The following HEMK2 variants were observed in gnomAD, a reference collection of about 807,000 sequenced individuals.
The protein encoded by HEMK2 is HemK methyltransferase 2, ETF1 glutamine and histone H4 lysine, also known as methyltransferase HEMK2.
the HEMK2 span, among the ~76,000 whole-genome samples, chr21:28,660,591 C>T: frequency 2.0e-5 from 3 of 151,570 alleles, no homozygotes; most frequent in Admixed American, 6.6e-5. Flanking sequence ...AAACTAATCT[C>T]GCATTCCTAG....
the HEMK2 span, among the ~76,000 whole-genome samples, chr21:28,600,379 A>G: frequency 2.0e-5 from 3 of 152,244 alleles, no homozygotes; most frequent in Non-Finnish European, 4.4e-5. Flanking sequence ...TGCACCCTCT[A>G]AAGTCACAGC....
the HEMK2 span, among the ~76,000 whole-genome samples, chr21:28,737,607 G>A: frequency 6.6e-6 from 1 of 151,802 alleles, no homozygotes; most frequent in East Asian, 1.9e-4. Flanking sequence ...AAAAAAAGAA[G>A]AAGAAAAGAT....
At chr21:28,588,065 A>G in the HEMK2 span, among the ~76,000 whole-genome samples, 1 of 152,246 alleles carries the variant, frequency 6.6e-6, no homozygotes, top group African/African-American at 2.4e-5. Flanking sequence ...TGAAACTAAT[A>G]TAAGCTCTTG....
the HEMK2 span, among the ~76,000 whole-genome samples, chr21:28,697,564 C>T: frequency 1.3e-5 from 2 of 152,246 alleles, no homozygotes; most frequent in East Asian, 3.9e-4. Context: ...CCAGTTCCAG[C>T]GTGTCTTCAG....
At chr21:28,839,258 C>G in the HEMK2 span, among the ~76,000 whole-genome samples, 1 of 151,876 alleles carries the variant, frequency 6.6e-6, no homozygotes, top group Non-Finnish European at 1.5e-5. Context: ...AACTCACAGC[C>G]AACTTAATAC....
At chr21:28,798,804 G>A in the HEMK2 span, among the ~76,000 whole-genome samples, 9 of 152,132 alleles carry the variant, frequency 5.9e-5, no homozygotes, top group Admixed American at 2.6e-4. Context: ...GTGTGTTAAC[G>A]ACACAAATCT....
the HEMK2 span, among the ~76,000 whole-genome samples, chr21:28,728,563 G>T: frequency 6.6e-6 from 1 of 152,176 alleles, no homozygotes; most frequent in Non-Finnish European, 1.5e-5. Context: ...TAGAGGGAAT[G>T]ATTAAAAGCT....
chr21:28,628,610 A>G, the HEMK2 span, among the ~76,000 whole-genome samples: 2 of 152,146 alleles, frequency 1.3e-5, no homozygotes, highest in Middle Eastern at 3.4e-3. Context: ...CTGCCATCAC[A>G]CCCAGCTAAT....
the HEMK2 span, among the ~76,000 whole-genome samples, chr21:28,852,173 T>G: frequency 6.6e-6 from 1 of 152,204 alleles, no homozygotes; most frequent in Non-Finnish European, 1.5e-5. Flanking sequence ...GGATGAGATA[T>G]TGTTTTTGAT....
At chr21:28,636,405 C>T in the HEMK2 span, among the ~76,000 whole-genome samples, 1 of 152,094 alleles carries the variant, frequency 6.6e-6, no homozygotes, top group Admixed American at 6.6e-5. Flanking sequence ...GAAAATGGAG[C>T]CTTGATGGAC....
the HEMK2 span, among the ~76,000 whole-genome samples, chr21:28,635,601 C>CTA: frequency 2.6e-5 from 4 of 152,126 alleles, no homozygotes; most frequent in Non-Finnish European, 5.9e-5. Flanking sequence ...CTACTGTGTA[C>CTA]CAAGCATGGT....
the HEMK2 span, among the ~76,000 whole-genome samples, chr21:28,847,361 C>T: frequency 6.6e-6 from 1 of 152,158 alleles, no homozygotes; most frequent in Non-Finnish European, 1.5e-5. Context: ...ATTTGCATTT[C>T]CCTAATGATT....
At chr21:28,869,783 A>G in the HEMK2 span, among the ~76,000 whole-genome samples, 29 of 152,348 alleles carry the variant, frequency 1.9e-4, no homozygotes, top group Admixed American at 7.8e-4. Flanking sequence ...CATAAGCAAT[A>G]AATTTTTAGT....
At chr21:28,806,990 C>G in the HEMK2 span, among the ~76,000 whole-genome samples, 1 of 152,168 alleles carries the variant, frequency 6.6e-6, no homozygotes, top group East Asian at 1.9e-4. Flanking sequence ...CTTGAAGGTA[C>G]TTTCAGCTGG....
the HEMK2 span, among the ~76,000 whole-genome samples, chr21:28,753,312 G>GATAT: frequency 2.7e-5 from 4 of 147,622 alleles, no homozygotes; most frequent in African/African-American, 7.5e-5. Context: ...AACTGAGATT[G>GATAT]CACCACTGCA....
chr21:28,825,897 C>G, the HEMK2 span, among the ~76,000 whole-genome samples: 5 of 152,210 alleles, frequency 3.3e-5, no homozygotes, highest in African/African-American at 1.2e-4. Flanking sequence ...GATCCACCTA[C>G]ATCTCTGGGT....
the HEMK2 span, among the ~76,000 whole-genome samples, chr21:28,817,813 A>G: frequency 1.3e-5 from 2 of 152,180 alleles, no homozygotes. Context: ...GATGGGGCTC[A>G]GGTCCCAGCT....
At chr21:28,733,328 T>G in the HEMK2 span, among the ~76,000 whole-genome samples, 5 of 152,096 alleles carry the variant, frequency 3.3e-5, no homozygotes, top group East Asian at 9.6e-4. Flanking sequence ...AGCAGCAATA[T>G]TGTTTACATG....
the HEMK2 span, among the ~76,000 whole-genome samples, chr21:28,623,086 C>T: frequency 1.3e-5 from 2 of 152,064 alleles, no homozygotes; most frequent in African/African-American, 4.8e-5. Context: ...ATCTATCCAT[C>T]TGACAAAAGG....
Sources: allele counts gnomAD v4.1 joint callset (sites outside exome capture counted in the v4.1 genomes callset), GRCh38; gene constraint gnomAD v4.1.1; transcripts MANE v1.5; gene names NCBI Gene and HGNC (gene_info 2026-07-23, HGNC 2026-07-21).